The following ST6GALNAC3 variants were observed in gnomAD, a reference collection of about 807,000 sequenced individuals.
ST6GALNAC3 encodes ST6 N-acetylgalactosaminide alpha-2,6-sialyltransferase 3.
In ST6GALNAC3, 25 loss-of-function variants were observed where a neutral mutation model predicts 32.7. That is an observed-to-expected ratio of 0.76 (90% CI 0.56 to 1.07). The LOEUF is 1.07. Ranked by LOEUF, ST6GALNAC3 falls within the 50% of genes least tolerant of loss-of-function variation. The pLI is 0.00. For missense variants in ST6GALNAC3, 355 were observed against 382.4 expected (o/e 0.93, Z 0.60); for synonymous variants, 129 against 133.1 (o/e 0.97, Z 0.21).
At chr1:76,322,966 G>A (rs190389519) in intron 2 of ST6GALNAC3, among the ~76,000 whole-genome samples, 100 of 152,040 alleles carry the variant, frequency 6.6e-4, no homozygotes, top group African/African-American at 2.3e-3. Context: ...TCAGCCTCCC[G>A]AGTAGCTGGG....
At chr1:76,466,005 C>T (rs1413886879) in intron 3 of ST6GALNAC3, among the ~76,000 whole-genome samples, 1 of 152,032 alleles carries the variant, frequency 6.6e-6, no homozygotes, top group Non-Finnish European at 1.5e-5. Context: ...CTACAAGGAC[C>T]ATTAGCTTAT....
intron 3 of ST6GALNAC3, among the ~76,000 whole-genome samples, chr1:76,435,489 G>C (rs983499223): frequency 6.6e-6 from 1 of 152,110 alleles, no homozygotes; most frequent in African/African-American, 2.4e-5. Flanking sequence ...TTAAAGACTT[G>C]ATATTCCTGT....
intron 3 of ST6GALNAC3, among the ~76,000 whole-genome samples, chr1:76,573,106 TG>T (rs1646737174): frequency 6.6e-6 from 1 of 152,056 alleles, no homozygotes; most frequent in South Asian, 2.1e-4. Flanking sequence ...TCATTTTATT[TG>T]TATTTGTGCT....
intron 2 of ST6GALNAC3, among the ~76,000 whole-genome samples, chr1:76,389,788 C>T (rs1243625959): frequency 5.3e-5 from 8 of 152,216 alleles, no homozygotes; most frequent in East Asian, 1.9e-4. Context: ...CACAATTTAT[C>T]CATCAAATAA....
At chr1:76,344,091 T>C (rs536057639) in intron 2 of ST6GALNAC3, among the ~76,000 whole-genome samples, 4 of 152,318 alleles carry the variant, frequency 2.6e-5, no homozygotes, top group African/African-American at 9.6e-5. Context: ...GAGTTACAAA[T>C]TGTCAAAGGT....
chr1:76,095,433 G>T (rs1647113834), intron 1 of ST6GALNAC3, among the ~76,000 whole-genome samples: 1 of 152,114 alleles, frequency 6.6e-6, no homozygotes, highest in Non-Finnish European at 1.5e-5. Flanking sequence ...TTGATTAGTT[G>T]ATGTTTAGAA....
intron 2 of ST6GALNAC3, among the ~76,000 whole-genome samples, chr1:76,365,839 A>G (rs1427625364): frequency 1.3e-5 from 2 of 152,196 alleles, no homozygotes; most frequent in East Asian, 3.8e-4. Context: ...TCATGGTTAT[A>G]GTTTTTGTGT....
At chr1:76,449,295 A>C (rs370027974) in intron 3 of ST6GALNAC3, among the ~76,000 whole-genome samples, 2 of 152,154 alleles carry the variant, frequency 1.3e-5, no homozygotes, top group East Asian at 3.8e-4. Flanking sequence ...CTATTTTCTG[A>C]ATATGACAGT....
At chr1:76,515,167 G>A (rs1159725329) in intron 3 of ST6GALNAC3, among the ~76,000 whole-genome samples, 1 of 151,690 alleles carries the variant, frequency 6.6e-6, no homozygotes, top group South Asian at 2.1e-4. Flanking sequence ...TTTGATGGAG[G>A]GTATTTTATT....
intron 3 of ST6GALNAC3, among the ~76,000 whole-genome samples, chr1:76,549,692 A>T (rs1405116479): frequency 6.6e-6 from 1 of 152,056 alleles, no homozygotes; most frequent in African/African-American, 2.4e-5. Flanking sequence ...AGGGTTTCTT[A>T]GTCTAAGATA....
intron 1 of ST6GALNAC3, among the ~76,000 whole-genome samples, chr1:76,260,131 T>C (rs1194261384): frequency 1.3e-5 from 2 of 152,126 alleles, no homozygotes; most frequent in Non-Finnish European, 2.9e-5. Flanking sequence ...CAGGAAGCCT[T>C]GGGGACCACT....
At chr1:76,612,704 G>A (rs149666568) in intron 3 of ST6GALNAC3, among the ~76,000 whole-genome samples, 344 of 152,216 alleles carry the variant, frequency 2.3e-3, no homozygotes, top group African/African-American at 7.9e-3. Flanking sequence ...ATAAATCTGG[G>A]CACCATCCTG....
chr1:76,583,207 T>A (rs144648955), intron 3 of ST6GALNAC3, among the ~76,000 whole-genome samples: 32 of 152,298 alleles, frequency 2.1e-4, no homozygotes, highest in African/African-American at 7.7e-4. Flanking sequence ...CAGTTGAAAG[T>A]CTTCAGCAAT....
chr1:76,381,068 T>C (rs896765603), intron 2 of ST6GALNAC3, among the ~76,000 whole-genome samples: 5 of 151,374 alleles, frequency 3.3e-5, no homozygotes, highest in Admixed American at 6.6e-5. Flanking sequence ...GTTAACTATC[T>C]ATTGTAGAGA....
chr1:76,200,711 CA>C lies in ST6GALNAC3; in HGVS notation c.19-113093del, dbSNP rs141865789. ...AATAAATATAGGACATGTATAATCT[CA>C]CACAAGTTTGAAACTATTTAATAGA... On this transcript the variant is annotated intron_variant, in intron 1 of 4. Transcript: ENST00000328299. Among the ~76,000 whole-genome samples the C allele has an allele frequency of 8.0e-3, 1,222 of 152,196 alleles. 21 individuals are homozygous for C. The highest frequency in any genetic ancestry group is 0.028 in the African/African-American group (1,175 of 41,516).
chr1:76,398,602 G>A (rs1013258916), intron 2 of ST6GALNAC3, among the ~76,000 whole-genome samples: 1 of 152,070 alleles, frequency 6.6e-6, no homozygotes, highest in Non-Finnish European at 1.5e-5. Context: ...TTCAATGCTG[G>A]ATAGTAGCCC....
chr1:76,213,638 T>G (rs1655294857), intron 1 of ST6GALNAC3, among the ~76,000 whole-genome samples: 1 of 152,196 alleles, frequency 6.6e-6, no homozygotes, highest in Non-Finnish European at 1.5e-5. Context: ...GATGTGCTAA[T>G]TTACAGGCCA....
chr1:76,259,918 A>ACT (rs1472176584), intron 1 of ST6GALNAC3, among the ~76,000 whole-genome samples: 6 of 151,984 alleles, frequency 3.9e-5, no homozygotes, highest in African/African-American at 1.4e-4. Flanking sequence ...CTGGGATGAC[A>ACT]CTCTGCAGGG....
chr1:76,605,851 G>A (rs1430659015), intron 3 of ST6GALNAC3, among the ~76,000 whole-genome samples: 4 of 91,884 alleles, frequency 4.4e-5, no homozygotes, highest in South Asian at 4.1e-4. Context: ...GGTAATAGAG[G>A]GAGACTCCAT....
Sources: gnomAD v4.1 joint callset for allele counts (sites outside exome capture counted in the v4.1 genomes callset) on GRCh38, gnomAD v4.1.1 for gene constraint, MANE v1.5 for transcripts, NCBI Gene and HGNC (gene_info 2026-07-23, HGNC 2026-07-21) for gene names.